CERKL: variants seen among roughly 807,000 people sequenced by gnomAD.
CERKL encodes CERK like autophagy regulator.
A neutral mutation model predicts 63.4 loss-of-function variants in CERKL; 61 were observed. The observed-to-expected ratio is 0.96, with a 90% CI of 0.78 to 1.19. The LOEUF (loss-of-function observed/expected upper bound fraction) is 1.19. CERKL is among the 50% of genes most tolerant of loss of function. The pLI, the probability that CERKL is intolerant of heterozygous loss-of-function variation, is 0.00. For missense variants in CERKL, 675 were observed against 655.5 expected (o/e 1.03, Z -0.33); for synonymous variants, 250 against 230.5 (o/e 1.08, Z -0.77).
At chr2:181,597,013 T>A (rs1347497058) in intron 2 of CERKL, among the ~76,000 whole-genome samples, 1 of 152,202 alleles carries the variant, frequency 6.6e-6, no homozygotes, top group Non-Finnish European at 1.5e-5. Context: ...ATTTTTCACA[T>A]ACTTATTTGA....
At chr2:181,643,909 C>CA (rs1687557026) in intron 1 of CERKL, among the ~76,000 whole-genome samples, 1 of 152,054 alleles carries the variant, frequency 6.6e-6, no homozygotes, top group Non-Finnish European at 1.5e-5. Flanking sequence ...TGGGGAGGCA[C>CA]AAAAAAATGC....
intron 5 of CERKL, among the ~76,000 whole-genome samples, chr2:181,551,194 T>C (rs1687972307): frequency 6.6e-6 from 1 of 152,182 alleles, no homozygotes; most frequent in Non-Finnish European, 1.5e-5. Context: ...CTTATTTATT[T>C]AGGAAACCCT....
chr2:181,539,409 C>T lies in CERKL; in HGVS notation c.1366-145G>A, dbSNP rs548889723. ...CTTTGAGACTATGAACAGGGATCTC[C>T]AACTTTTTTTGGAAGAAGGAATCTC... On this transcript the variant is annotated intron_variant, in intron 11 of 12. Coordinates refer to ENST00000410087, the MANE Select transcript of CERKL (RefSeq NM_201548.5). 8.4e-5 allele frequency: 51 copies of T among 610,096 alleles called. 1 individual carries two copies. Among genetic ancestry groups the T allele is most frequent in the Admixed American group, 2.7e-4 (9 of 33,054 alleles). 37.8% of individuals were successfully genotyped at this position (610,096 alleles called of 1,614,324 possible).
At chr2:181,635,733 A>G (rs923340175) in intron 1 of CERKL, among the ~76,000 whole-genome samples, 1 of 152,196 alleles carries the variant, frequency 6.6e-6, no homozygotes, top group Non-Finnish European at 1.5e-5. Context: ...AATTACTTGT[A>G]TTAGACAAAA....
At chr2:181,569,945 G>A (rs1222772277) in intron 3 of CERKL, among the ~76,000 whole-genome samples, 1 of 152,166 alleles carries the variant, frequency 6.6e-6, no homozygotes, top group Non-Finnish European at 1.5e-5. Flanking sequence ...TGGCTAACGG[G>A]AATGACGGAT....
At chr2:181,608,978 T>G (rs1051747755) in intron 1 of CERKL, among the ~76,000 whole-genome samples, 11 of 152,076 alleles carry the variant, frequency 7.2e-5, no homozygotes, top group Non-Finnish European at 1.3e-4. Flanking sequence ...AGGAATAAAC[T>G]TAGCAAAATG....
intron 2 of CERKL, among the ~76,000 whole-genome samples, chr2:181,599,192 C>A (rs1685353523): frequency 6.6e-6 from 1 of 151,914 alleles, no homozygotes; most frequent in South Asian, 2.1e-4. Flanking sequence ...AAGATAAAAC[C>A]AAATAGAACT....
At position 181,558,866 on chromosome 2, in the gene CERKL, C is replaced by T. The variant is rs1274112880; in HGVS notation, c.678-158G>A. On this transcript the variant is annotated intron_variant, in intron 4 of 12. Coordinates refer to ENST00000410087, the MANE Select transcript of CERKL (RefSeq NM_201548.5). The surrounding 1 kb of genome is among the most constrained non-coding windows in gnomAD (Gnocchi z 4.2). ...TGTTAATATGTGTCAATGGGTAAGA[C>T]AACACAAACACAACACAGGTAAGTT... 4.6e-5 allele frequency among the ~76,000 whole-genome samples: 7 copies of T among 152,242 alleles called. No individual in the cohort carries two copies. The South Asian group carries it at 1.2e-3, about 27-fold the overall frequency.
At chr2:181,632,455 T>C (rs1687004736) in intron 1 of CERKL, among the ~76,000 whole-genome samples, 1 of 152,192 alleles carries the variant, frequency 6.6e-6, no homozygotes, top group Admixed American at 6.5e-5. Context: ...TTAAACAAAT[T>C]AACTTTGCTA....
At chr2:181,575,591 T>C (rs957879561) in intron 2 of CERKL, among the ~76,000 whole-genome samples, 7 of 152,114 alleles carry the variant, frequency 4.6e-5, no homozygotes, top group African/African-American at 1.7e-4. Flanking sequence ...GTTTTTGGCT[T>C]GTGCTGTTTT....
At chr2:181,644,130 C>T (rs1687567541) in intron 1 of CERKL, among the ~76,000 whole-genome samples, 1 of 152,246 alleles carries the variant, frequency 6.6e-6, no homozygotes, top group Non-Finnish European at 1.5e-5. Context: ...TCTGTGGCAT[C>T]TGTCCATGTC....
chr2:181,602,250 G>A (rs868196023), intron 2 of CERKL, among the ~76,000 whole-genome samples: 14 of 152,142 alleles, frequency 9.2e-5, no homozygotes, highest in African/African-American at 3.1e-4. Flanking sequence ...GAGTTCCTCA[G>A]ACCTTAAGCG....
At chr2:181,576,262 A>C (rs756766152) in intron 2 of CERKL, among the ~76,000 whole-genome samples, 1 of 152,210 alleles carries the variant, frequency 6.6e-6, no homozygotes, top group Non-Finnish European at 1.5e-5. Flanking sequence ...TCAGGTAAGA[A>C]TCACCAATGG....
chr2:181,629,883 G>A (rs141941041), intron 1 of CERKL, among the ~76,000 whole-genome samples: 1 of 146,840 alleles, frequency 6.8e-6, no homozygotes, highest in African/African-American at 2.5e-5. Flanking sequence ...ATTTTAATAT[G>A]TTCCTTCTCA....
chr2:181,552,084 T>C (rs920798012), intron 5 of CERKL, among the ~76,000 whole-genome samples: 5 of 152,240 alleles, frequency 3.3e-5, no homozygotes, highest in African/African-American at 1.2e-4. Flanking sequence ...CTTACTTTTA[T>C]GTAGAATCTG....
intron 1 of CERKL, among the ~76,000 whole-genome samples, chr2:181,604,862 T>TAA (rs5836801): frequency 4.0e-5 from 6 of 151,062 alleles, no homozygotes; most frequent in East Asian, 1.9e-4. Flanking sequence ...TAATCAGACT[T>TAA]AAAAAAAAAT....
chr2:181,634,414 C>T lies in CERKL; in HGVS notation c.238+22355G>A, dbSNP rs368091134. ...GATAATATCCGTATCAAATGCACAA[C>T]ACATTATGTTGCAACAGTATGTGCA... On this transcript the variant is annotated intron_variant, in intron 1 of 12. Coordinates refer to ENST00000410087, the MANE Select transcript of CERKL (RefSeq NM_201548.5). Among the ~76,000 whole-genome samples the T allele has an allele frequency of 1.1e-3, 167 of 152,238 alleles. 8 individuals carry two copies. The South Asian group carries it at 0.032, about 29-fold the overall frequency.
Position 181,537,734 on chromosome 2 carries a change from CATT to C in CERKL, c.*447_*449del, listed in dbSNP as rs1559064566. On this transcript the variant is annotated 3_prime_UTR_variant, in exon 13 of 13. Coordinates refer to ENST00000410087, the MANE Select transcript of CERKL (RefSeq NM_201548.5). ...AGTTTTTTTGTGTGTCCAATAAACACATTGTAAAAAAAAGAATTTGAATTGATA... is the reference window on the plus strand; with the variant it reads ...AGTTTTTTTGTGTGTCCAATAAACACGTAAAAAAAAGAATTTGAATTGATA... The C allele has an allele frequency of 2.3e-6, 1 of 439,380 alleles. No individual in the cohort carries two copies. The highest frequency in any genetic ancestry group is 2.0e-5 in the African/African-American group (1 of 49,392). 27.2% of individuals were successfully genotyped at this position (439,380 alleles called of 1,614,324 possible). A position where few individuals can be genotyped will look rare whatever the true frequency, so the allele number is the denominator to read the frequency against.
At chr2:181,573,070 C>A (rs952225611) in intron 3 of CERKL, among the ~76,000 whole-genome samples, 1 of 151,952 alleles carries the variant, frequency 6.6e-6, no homozygotes, top group African/African-American at 2.4e-5. Context: ...AGGAAGGTTG[C>A]GATTCTCCAT....
Sources: allele counts gnomAD v4.1 joint callset (sites outside exome capture counted in the v4.1 genomes callset), GRCh38; gene constraint gnomAD v4.1.1; non-coding constraint Gnocchi (gnomAD v3.1); transcripts MANE v1.5; gene names NCBI Gene and HGNC (gene_info 2026-07-23, HGNC 2026-07-21).